DCAF6: variants seen among roughly 807,000 people sequenced by gnomAD.
DCAF6 encodes the protein DDB1 and CUL4 associated factor 6.
Under a neutral mutation model 125.1 loss-of-function variants are expected in DCAF6, and 54 were observed. That is an observed-to-expected ratio of 0.43 (90% CI 0.35 to 0.54). The LOEUF is 0.54. Ranked by LOEUF, DCAF6 falls within the 20% of genes least tolerant of loss-of-function variation. The pLI is 0.01. For missense variants in DCAF6, 934 were observed against 1,161.7 expected (o/e 0.80, Z 2.85); for synonymous variants, 371 against 390.4 (o/e 0.95, Z 0.58).
intron 2 of DCAF6, among the ~76,000 whole-genome samples, chr1:167,954,742 G>A (rs1422925272): frequency 3.9e-5 from 6 of 152,100 alleles, no homozygotes; most frequent in Admixed American, 6.5e-5. Context: ...GTGAGCCACC[G>A]CACCCGGCAA....
intron 17 of DCAF6, among the ~76,000 whole-genome samples, chr1:168,052,872 T>C (rs946594471): frequency 1.3e-5 from 2 of 152,190 alleles, no homozygotes; most frequent in African/African-American, 4.8e-5. Context: ...TCAGTAGTTC[T>C]CCATTGTTTA....
chr1:168,075,316 T>C, intron 21 of DCAF6, 55 bp from the exon 22 acceptor site: 4 of 1,487,978 alleles, frequency 2.7e-6, no homozygotes, highest in Non-Finnish European at 3.6e-6. Context: ...AAAATATTAA[T>C]AATTGTAATT....
intron 1 of DCAF6, among the ~76,000 whole-genome samples, chr1:167,938,930 T>C (rs1480751205): frequency 6.6e-6 from 1 of 152,192 alleles, no homozygotes; most frequent in East Asian, 1.9e-4. Context: ...AAAGCCTGAA[T>C]TACAGTTTTT....
At chr1:167,998,182 G>A (rs1183832061) in intron 7 of DCAF6, among the ~76,000 whole-genome samples, 2 of 152,170 alleles carry the variant, frequency 1.3e-5, no homozygotes, top group African/African-American at 4.8e-5. Flanking sequence ...TGGTTTCCCA[G>A]TGCATGTAAA....
rs537934454 is a variant in DCAF6 at position 168,009,374 on chromosome 1, C to T, written c.1378+4581C>T. ...TCCTTCCTTCCTTCCTTCCTTCCTT[C>T]CTTCCTTCCTTCCTTTCTTTCTTTC... is the stretch of plus-strand genomic sequence containing the variant. On this transcript the variant is annotated intron_variant, in intron 10 of 21. Coordinates refer to ENST00000367840, the MANE Select transcript of DCAF6 (RefSeq NM_001198956.2). Among the ~76,000 whole-genome samples the T allele has an allele frequency of 9.9e-4, 121 of 122,604 alleles. 1 individual carries two copies. In the South Asian group the frequency reaches 0.024, roughly 24 times the overall value. 80.4% of individuals were successfully genotyped at this position (122,604 alleles called of 152,430 possible).
the DCAF6 span, among the ~76,000 whole-genome samples, chr1:167,881,484 G>A: frequency 6.6e-6 from 1 of 152,264 alleles, no homozygotes; most frequent in Non-Finnish European, 1.5e-5. Flanking sequence ...GACATGAAGG[G>A]GGAAACACTG....
At chr1:168,046,591 T>G (rs1325681281) in intron 16 of DCAF6, among the ~76,000 whole-genome samples, 2 of 152,166 alleles carry the variant, frequency 1.3e-5, no homozygotes, top group African/African-American at 4.8e-5. Flanking sequence ...TCTTTACCTG[T>G]ACACAGTAAT....
intron 2 of DCAF6, among the ~76,000 whole-genome samples, chr1:167,954,524 C>T (rs1674463532): frequency 6.6e-6 from 1 of 151,976 alleles, no homozygotes; most frequent in Non-Finnish European, 1.5e-5. Context: ...ACAATCTCGG[C>T]TCACTGCAAG....
At chr1:167,964,526 C>T (rs1356858398) in intron 2 of DCAF6, among the ~76,000 whole-genome samples, 1 of 152,008 alleles carries the variant, frequency 6.6e-6, no homozygotes, top group Non-Finnish European at 1.5e-5. Context: ...AGCTGTAGTT[C>T]TTTTTGTATT....
intron 2 of DCAF6, among the ~76,000 whole-genome samples, chr1:167,963,802 T>C (rs1192247293): frequency 7.2e-5 from 11 of 152,174 alleles, no homozygotes; most frequent in Non-Finnish European, 8.8e-5. Flanking sequence ...GTTACACCTA[T>C]TTTTTAAACT....
chr1:167,909,636 A>G, the DCAF6 span, among the ~76,000 whole-genome samples: 5 of 152,060 alleles, frequency 3.3e-5, no homozygotes, highest in African/African-American at 7.2e-5. Context: ...TCCTCTTCCA[A>G]TTGTGCCCCA....
chr1:167,880,637 G>A, the DCAF6 span: 1 of 1,522,074 alleles, frequency 6.6e-7, no homozygotes, highest in Non-Finnish European at 9.1e-7. Flanking sequence ...AGCAACCACA[G>A]CTGATGGACA....
At chr1:167,949,129 C>T (rs1192009833) in intron 1 of DCAF6, among the ~76,000 whole-genome samples, 1 of 152,146 alleles carries the variant, frequency 6.6e-6, no homozygotes, top group African/African-American at 2.4e-5. Context: ...AGTTTATAAC[C>T]TATTAATATA....
At chr1:167,998,718 C>G (rs1211704114) in intron 7 of DCAF6, 1 of 153,244 alleles carries the variant, frequency 6.5e-6, no homozygotes, top group Non-Finnish European at 1.5e-5. Flanking sequence ...CTTTGCTCAT[C>G]CATAAGGAGC....
the DCAF6 span, among the ~76,000 whole-genome samples, chr1:167,905,963 T>C: frequency 6.6e-6 from 1 of 152,340 alleles, no homozygotes; most frequent in South Asian, 2.1e-4. Flanking sequence ...CCCTTTACTT[T>C]TTCAGAGCAA....
chr1:168,022,886 C>T (rs1459912764), intron 11 of DCAF6, 102 bp from the exon 12 acceptor site: 9 of 1,050,732 alleles, frequency 8.6e-6, no homozygotes, highest in African/African-American at 1.6e-5. Context: ...ACTTCTATTC[C>T]GCAGCCTTAT....
the DCAF6 span, chr1:167,918,094 C>T: frequency 9.5e-6 from 4 of 422,720 alleles, no homozygotes; most frequent in African/African-American, 2.1e-5. Context: ...TGGTTTATTA[C>T]GGACAAATGG....
the DCAF6 span, among the ~76,000 whole-genome samples, chr1:167,927,268 T>G: frequency 6.6e-6 from 1 of 152,238 alleles, no homozygotes; most frequent in Non-Finnish European, 1.5e-5. Flanking sequence ...ACTCTACTCT[T>G]AGACCACAGC....
At chr1:168,045,572 C>A (rs1689065948) in intron 16 of DCAF6, among the ~76,000 whole-genome samples, 1 of 152,092 alleles carries the variant, frequency 6.6e-6, no homozygotes, top group South Asian at 2.1e-4. Flanking sequence ...TTGTAGATAT[C>A]CAGGCCTTTA....
Sources: gnomAD v4.1 joint callset for allele counts (sites outside exome capture counted in the v4.1 genomes callset) on GRCh38, gnomAD v4.1.1 for gene constraint, MANE v1.5 for transcripts, NCBI Gene and HGNC (gene_info 2026-07-23, HGNC 2026-07-21) for gene names.